The following NFATC3 variants were observed in gnomAD, a reference collection of about 807,000 sequenced individuals.
The protein encoded by NFATC3 is nuclear factor of activated T cells 3.
Under a neutral mutation model 98.6 loss-of-function variants are expected in NFATC3, and 46 were observed. The ratio of observed to expected loss-of-function variants is 0.47; its 90% CI spans 0.37 to 0.60. The LOEUF (loss-of-function observed/expected upper bound fraction) is 0.60, where lower values mean the gene tolerates loss of function less well. Ranked by LOEUF, NFATC3 falls within the 20% of genes least tolerant of loss-of-function variation. NFATC3 has a pLI of 0.00. For missense variants in NFATC3, 1,256 were observed against 1,295.5 expected (o/e 0.97, Z 0.47); for synonymous variants, 512 against 472.2 (o/e 1.08, Z -1.09).
Position 68,217,832 on chromosome 16 carries a change from C to T in NFATC3, c.3107-8518C>T, listed in dbSNP as rs994413868. The T allele has an allele frequency of 6.5e-6, 8 of 1,230,640 alleles. No homozygotes were observed. The African/African-American group carries it at 9.3e-5, about 14-fold the overall frequency. 76.2% of individuals were successfully genotyped at this position (1,230,640 alleles called of 1,614,324 possible). On this transcript the variant is annotated intron_variant, in intron 9 of 9. Coordinates refer to ENST00000346183, the MANE Select transcript of NFATC3 (RefSeq NM_173165.3). ...GAGGAAGATACGTACATCGCTTTTGCTCACATTTCATTGAAGAAAACGAAT... is the reference window on the plus strand; with the variant it reads ...GAGGAAGATACGTACATCGCTTTTGTTCACATTTCATTGAAGAAAACGAAT...
chr16:68,115,772 T>A (rs1180696836), intron 1 of NFATC3, among the ~76,000 whole-genome samples: 1 of 152,152 alleles, frequency 6.6e-6, no homozygotes, highest in Non-Finnish European at 1.5e-5. Context: ...TTTTTTCTTT[T>A]CCTGTGAGTT....
At chr16:68,137,869 G>A (rs2037520718) in intron 3 of NFATC3, among the ~76,000 whole-genome samples, 1 of 151,836 alleles carries the variant, frequency 6.6e-6, no homozygotes, top group Non-Finnish European at 1.5e-5. Context: ...GCCCTCCTCG[G>A]TCGGCCTCCC....
At chr16:68,165,495 C>G (rs2039150194) in intron 4 of NFATC3, among the ~76,000 whole-genome samples, 1 of 150,074 alleles carries the variant, frequency 6.7e-6, no homozygotes, top group African/African-American at 2.5e-5. Flanking sequence ...CTCCTGGGCT[C>G]AAGCAGTTTT....
At position 68,123,041 on chromosome 16, in the gene NFATC3, T is replaced by C. The variant is rs769747676; in HGVS notation, c.1158T>C (p.Asp386=). 3.1e-6 allele frequency: 5 copies of C among 1,613,030 alleles called. No homozygotes were observed. In the Admixed American group the frequency reaches 6.7e-5, roughly 22 times the overall value. ...GATCTCAGTATCCTTTAAAGAAAGA[T>C]TCATGTGGTGATCAGTTTCTTTCAG... ...GLGSQYPLKK[D]SCGDQFLSVP... Residue 386 remains aspartate (D), a synonymous_variant, in exon 2 of 10, where the codon GAT becomes GAC. Transcript: ENST00000346183.
At chr16:68,127,886 T>C (rs1233451717) in intron 3 of NFATC3, among the ~76,000 whole-genome samples, 1 of 152,182 alleles carries the variant, frequency 6.6e-6, no homozygotes, top group Non-Finnish European at 1.5e-5. Context: ...TTGCTTATGC[T>C]ATTTTTCCTT....
chr16:68,143,486 A>G (rs1478151560), intron 3 of NFATC3, among the ~76,000 whole-genome samples: 1 of 152,168 alleles, frequency 6.6e-6, no homozygotes, highest in Non-Finnish European at 1.5e-5. Context: ...CCATAAGGCA[A>G]AAGAATAAAC....
chr16:68,220,723 C>T (rs1290629043), intron 9 of NFATC3, among the ~76,000 whole-genome samples: 3 of 142,854 alleles, frequency 2.1e-5, no homozygotes, highest in Non-Finnish European at 4.5e-5. Context: ...CTGGCTAACA[C>T]GGTGAAACCC....
At chr16:68,103,861 G>A (rs557255857) in intron 1 of NFATC3, among the ~76,000 whole-genome samples, 6 of 152,192 alleles carry the variant, frequency 3.9e-5, no homozygotes, top group African/African-American at 1.2e-4. Context: ...ATAGATATTC[G>A]GGTTTATTTC....
chr16:68,116,821 A>T (rs1270805964), intron 1 of NFATC3, among the ~76,000 whole-genome samples: 2 of 150,668 alleles, frequency 1.3e-5, no homozygotes, highest in East Asian at 3.9e-4. Flanking sequence ...TTTTTTTCTC[A>T]AAGGGTTGGG....
chr16:68,147,449 T>G (rs2038094334), intron 3 of NFATC3, among the ~76,000 whole-genome samples: 1 of 152,220 alleles, frequency 6.6e-6, no homozygotes, highest in Non-Finnish European at 1.5e-5. Context: ...CACCAAATTG[T>G]ACTCTGTTAT....
chr16:68,157,999 A>G lies in NFATC3; in HGVS notation c.1532A>G (p.Gln511Arg), dbSNP rs1337637363. 4 of 1,613,900 alleles carry G rather than the reference A, an allele frequency of 2.5e-6. No individual in the cohort carries two copies. Among genetic ancestry groups the G allele is most frequent in the Admixed American group, 1.7e-5 (1 of 59,980 alleles). ...GGGAAGACAGTCGCTACTGCAAGCCAAGAGATAATAATTGCCAGTACAAAA... is the reference window on the plus strand; with the variant it reads ...GGGAAGACAGTCGCTACTGCAAGCCGAGAGATAATAATTGCCAGTACAAAA... The part of the protein sequence containing the change: ...ITGKTVATAS[Q>R]EIIIASTKVL... The change falls in exon 4 of 10, where the codon CAA becomes CGA. Residue 511 changes from glutamine (Q) to arginine (R), a missense_variant. By Grantham distance (43) the Gln-to-Arg change is conservative. Around this residue, in one of 3 missense-constraint regions of NFATC3, gnomAD observed 156 missense variants for 212.4 expected, o/e 0.73. Coordinates refer to ENST00000346183, the MANE Select transcript of NFATC3 (RefSeq NM_173165.3).
At chr16:68,161,558 T>C (rs2038894747) in intron 4 of NFATC3, among the ~76,000 whole-genome samples, 1 of 152,164 alleles carries the variant, frequency 6.6e-6, no homozygotes, top group Non-Finnish European at 1.5e-5. Context: ...AAAAAGTTAG[T>C]GTTTCCCGAT....
intron 3 of NFATC3, among the ~76,000 whole-genome samples, chr16:68,150,886 C>T (rs538119320): frequency 3.9e-4 from 59 of 152,262 alleles, no homozygotes; most frequent in Non-Finnish European, 7.8e-4. Flanking sequence ...CATTCTCCCT[C>T]CTGCCACCTT....
chr16:68,179,565 A>C (rs2039868657), intron 6 of NFATC3, among the ~76,000 whole-genome samples: 2 of 152,258 alleles, frequency 1.3e-5, no homozygotes. Context: ...CAGATGAAGA[A>C]GTGATGCAAG....
intron 3 of NFATC3, among the ~76,000 whole-genome samples, chr16:68,157,208 GTCTCTC>G (rs1457157410): frequency 6.6e-6 from 1 of 150,456 alleles, no homozygotes; most frequent in African/African-American, 2.4e-5. Flanking sequence ...CTCTGTCTCT[GTCTCTC>G]TCTCCTTCTC....
At chr16:68,200,416 A>G (rs570418734) in intron 9 of NFATC3, 99 of 152,092 alleles carry the variant, frequency 6.5e-4, no homozygotes, top group African/African-American at 2.4e-3. Context: ...ATATATATAT[A>G]TATGGGGTTT....
chr16:68,195,765 G>A (rs184820120), intron 9 of NFATC3, among the ~76,000 whole-genome samples: 1 of 152,190 alleles, frequency 6.6e-6, no homozygotes, highest in African/African-American at 2.4e-5. Flanking sequence ...CCGAGATTGG[G>A]CCACTACACT....
chr16:68,097,230 C>T (rs967101380), intron 1 of NFATC3, among the ~76,000 whole-genome samples: 2 of 152,166 alleles, frequency 1.3e-5, no homozygotes, highest in Non-Finnish European at 2.9e-5. Context: ...TGTGCTATTA[C>T]AAAATGTCTG....
In NFATC3 at chr16:68,227,172, T is replaced by G. The variant is rs2042056297; in HGVS notation, c.*701T>G. On this transcript the variant is annotated 3_prime_UTR_variant, in exon 10 of 10. Transcript: ENST00000346183. ...CCTTTTGGTAACTTTCTAGGTAATC[T>G]TGCAATCTCTCCATACTGGCTCCAT... 6.6e-6 allele frequency: 1 copy of G among 152,198 alleles called. No homozygotes were observed. The highest frequency in any genetic ancestry group is 2.1e-4 in the South Asian group (1 of 4,832). 9.4% of individuals were successfully genotyped at this position (152,198 alleles called of 1,614,324 possible). A position where few individuals can be genotyped will look rare whatever the true frequency, so the allele number is the denominator to read the frequency against.
Sources: gnomAD v4.1 joint callset for allele counts (sites outside exome capture counted in the v4.1 genomes callset) on GRCh38, gnomAD v4.1.1 for gene constraint, gnomAD v4.1.1 regional missense constraint, MANE v1.5 for transcripts, NCBI Gene and HGNC (gene_info 2026-07-23, HGNC 2026-07-21) for gene names.